Variants in MCF2 observed in about 807,000 individuals in gnomAD.
MCF2 encodes proto-oncogene DBL.
A neutral mutation model predicts 82.5 loss-of-function variants in MCF2; 44 were observed. That is an observed-to-expected ratio of 0.53 (90% CI 0.42 to 0.69). The LOEUF (loss-of-function observed/expected upper bound fraction) is 0.69, where lower values mean the gene tolerates loss of function less well. Among genes scored for constraint, MCF2 ranks in the 30% least tolerant of loss-of-function variants. MCF2 has a pLI of 0.00. For missense variants in MCF2, 623 were observed against 663.1 expected, an observed-to-expected ratio of 0.94 and a Z score of 0.66; for synonymous variants, 217 against 224.9, an observed-to-expected ratio of 0.96 and a Z score of 0.32.
chrX:139,602,014 A>G (rs1255988645), intron 16 of MCF2, among the ~76,000 whole-genome samples: 2 of 111,568 alleles, frequency 1.8e-5, no homozygotes, highest in Non-Finnish European at 3.8e-5. Context: ...TTAATTTAAT[A>G]CTGTATATCA....
chrX:139,617,164 A>T (rs1695543063), intron 8 of MCF2, among the ~76,000 whole-genome samples: 1 of 111,445 alleles, frequency 9.0e-6, no homozygotes, highest in South Asian at 3.8e-4. Context: ...GGTTTTTAAA[A>T]ATGTTCCAAG....
intron 1 of MCF2, among the ~76,000 whole-genome samples, chrX:139,658,681 T>G (rs1056143197): frequency 7.2e-5 from 7 of 96,567 alleles, no homozygotes; most frequent in Non-Finnish European, 1.0e-4. Flanking sequence ...TTTTTTTTTT[T>G]TTTTTTTTTT....
At chrX:139,691,934 C>A (rs1348896681) in intron 1 of MCF2, 1 of 1,166,475 alleles carries the variant, frequency 8.6e-7, no homozygotes, top group Admixed American at 2.6e-5. Flanking sequence ...AGACTGCTTG[C>A]AGGAGGCAGA....
At chrX:139,667,802 G>A (rs948144621) in intron 1 of MCF2, among the ~76,000 whole-genome samples, 1 of 111,686 alleles carries the variant, frequency 9.0e-6, no homozygotes, top group Non-Finnish European at 1.9e-5. Context: ...CTGGTGGGTG[G>A]TGAGCACATG....
intron 1 of MCF2, among the ~76,000 whole-genome samples, chrX:139,692,658 A>C (rs1015006085): frequency 8.9e-6 from 1 of 112,029 alleles, no homozygotes; most frequent in African/African-American, 3.2e-5. Flanking sequence ...CAACTCATGC[A>C]AGTCTTGGCG....
chrX:139,678,908 T>C (rs1934936573), intron 1 of MCF2, among the ~76,000 whole-genome samples: 1 of 112,525 alleles, frequency 8.9e-6, no homozygotes, highest in Non-Finnish European at 1.9e-5. Flanking sequence ...TACTTTTCAT[T>C]TTTCACAAAA....
intron 1 of MCF2, among the ~76,000 whole-genome samples, chrX:139,640,531 CCTCT>C (rs1361054368): frequency 9.0e-6 from 1 of 111,011 alleles, no homozygotes; most frequent in African/African-American, 3.3e-5. Flanking sequence ...ATTCTCCTCC[CCTCT>C]CTCTCACTCA....
At chrX:139,662,095 C>G (rs1934371511) in intron 1 of MCF2, among the ~76,000 whole-genome samples, 1 of 111,991 alleles carries the variant, frequency 8.9e-6, no homozygotes, top group African/African-American at 3.2e-5. Context: ...CTAACAAATT[C>G]AGCAAGGGTG....
At chrX:139,659,292 A>T (rs1327104561) in intron 1 of MCF2, among the ~76,000 whole-genome samples, 1 of 111,068 alleles carries the variant, frequency 9.0e-6, no homozygotes, top group Non-Finnish European at 1.9e-5. Context: ...TCTAAAAAAA[A>T]AAATAAAAAA....
intron 10 of MCF2, 56 bp downstream of exon 13, chrX:139,614,825 G>A: frequency 9.6e-7 from 1 of 1,043,890 alleles, no homozygotes; most frequent in Non-Finnish European, 1.3e-6. Context: ...TACATCAAGA[G>A]TAACAATATA....
chrX:139,601,087 A>G (rs1177214483), intron 16 of MCF2, among the ~76,000 whole-genome samples: 1 of 111,317 alleles, frequency 9.0e-6, no homozygotes, highest in Non-Finnish European at 1.9e-5. Flanking sequence ...CAATGGAAGA[A>G]CTAGAAAGTA....
At chrX:139,582,762 G>A in intron 24 of MCF2, among the ~76,000 whole-genome samples, 2 of 110,911 alleles carry the variant, frequency 1.8e-5, no homozygotes, top group Middle Eastern at 4.6e-3. Context: ...TTTATCTTCT[G>A]ATACCATAGC....
intron 1 of MCF2, among the ~76,000 whole-genome samples, chrX:139,640,389 T>C: frequency 9.0e-6 from 1 of 111,450 alleles, no homozygotes. Context: ...TTCCACACTC[T>C]TCCCCCCATA....
At chrX:139,585,860 G>T in intron 23 of MCF2, among the ~76,000 whole-genome samples, 1 of 112,253 alleles carries the variant, frequency 8.9e-6, no homozygotes, top group Non-Finnish European at 1.9e-5. Flanking sequence ...ATTAAATAAA[G>T]TATTTAAAAT....
At chrX:139,652,339 C>T (rs770861521) in intron 1 of MCF2, among the ~76,000 whole-genome samples, 2 of 111,368 alleles carry the variant, frequency 1.8e-5, no homozygotes, top group Non-Finnish European at 3.8e-5. Flanking sequence ...GCCATGCAAA[C>T]GCGGGCAAGT....
chrX:139,626,522 G>C, intron 5 of MCF2, 101 bp downstream of exon 8: 1 of 843,988 alleles, frequency 1.2e-6, no homozygotes, highest in Non-Finnish European at 1.7e-6. Flanking sequence ...ATTTCCAGAG[G>C]TCCAGGAATA....
intron 10 of MCF2, among the ~76,000 whole-genome samples, chrX:139,614,162 C>G (rs1931712498): frequency 9.0e-6 from 1 of 110,977 alleles, no homozygotes; most frequent in Non-Finnish European, 1.9e-5. Context: ...AACCCCTGAG[C>G]CATCCATATC....
chrX:139,697,718 TATATGTTGCCATTTATAGATCTTCA>T (rs1315201924), intron 1 of MCF2, among the ~76,000 whole-genome samples: 3 of 112,449 alleles, frequency 2.7e-5, no homozygotes, highest in Non-Finnish European at 5.6e-5. Flanking sequence ...ATTTTATTCT[TATATGTTGCCATTTATAGATCTTCA>T]ATTTGTTGCC....
intron 11 of MCF2, among the ~76,000 whole-genome samples, chrX:139,608,086 A>G (rs778375233): frequency 2.7e-5 from 3 of 112,036 alleles, no homozygotes; most frequent in Non-Finnish European, 3.8e-5. Context: ...AAGGGTATTC[A>G]TTGAAGAACC....
Sources: gnomAD v4.1 joint callset for allele counts (sites outside exome capture counted in the v4.1 genomes callset) on GRCh38, gnomAD v4.1.1 for gene constraint, MANE v1.5 for transcripts, NCBI Gene and HGNC (gene_info 2026-07-23, HGNC 2026-07-21) for gene names.